HPGD: variants seen among roughly 807,000 people sequenced by gnomAD.
HPGD encodes 15-hydroxyprostaglandin dehydrogenase [NAD(+)].
Under a neutral mutation model 30.0 loss-of-function variants are expected in HPGD, and 29 were observed. That is an observed-to-expected ratio of 0.97 (90% CI 0.72 to 1.32). The LOEUF is 1.32. HPGD is among the 40% of genes most tolerant of loss of function. The pLI, the probability that HPGD is intolerant of heterozygous loss-of-function variation, is 0.00. For synonymous variants in HPGD, 99 were observed against 112.4 expected, an observed-to-expected ratio of 0.88 and a Z score of 0.75; for missense variants, 340 against 322.1, an observed-to-expected ratio of 1.06 and a Z score of -0.43.
chr4:174,493,179 C>T lies in HPGD; in HGVS notation c.634G>A (p.Asp212Asn), dbSNP rs148874494. 12,134 of 1,601,390 alleles carry T rather than the reference C, an allele frequency of 7.6e-3. 61 individuals carry two copies. The highest frequency in any genetic ancestry group is 9.3e-3 in the Non-Finnish European group (10,835 of 1,169,742). Residue 212 changes from aspartate to asparagine, a missense_variant, in exon 6 of 7, where the codon GAT (aspartate) becomes AAT (asparagine). Transcript: ENST00000296522. Reference sequence around the variant, plus strand: ...AAAATTCCATAGTATTTAATCATATCCTTGATATGATCCTTATATTCTATA... The same window carrying T: ...AAAATTCCATAGTATTTAATCATATTCTTGATATGATCCTTATATTCTATA... ...QYIEYKDHIK[D>N]MIKYYGILDP...
At chr4:174,493,435 C>T in intron 5 of HPGD, 121 bp from the exon 6 acceptor site, 1 of 880,026 alleles carries the variant, frequency 1.1e-6, no homozygotes. Context: ...ATCCTCCCAG[C>T]TATGTAACAA....
intron 2 of HPGD, among the ~76,000 whole-genome samples, chr4:174,518,464 A>T (rs913808258): frequency 2.6e-5 from 4 of 152,234 alleles, no homozygotes; most frequent in African/African-American, 9.6e-5. Flanking sequence ...AATGTCTCTT[A>T]GTCCCTGAGA....
rs555663294 is a variant in HPGD, at chr4:174,517,341, C to T, written c.324+630G>A. 7.9e-5 allele frequency among the ~76,000 whole-genome samples: 12 copies of T among 152,206 alleles called. No individual in the cohort carries two copies. In the East Asian group the frequency reaches 2.3e-3, roughly 29 times the overall value. Reference sequence around the variant, plus strand: ...AAAAAGTCCTACTAATTACAAAGTTCGATTGTCACTTTAATTTTGTTTTCT... The same window carrying T: ...AAAAAGTCCTACTAATTACAAAGTTTGATTGTCACTTTAATTTTGTTTTCT... On this transcript the variant is annotated intron_variant, in intron 3 of 6. Transcript: ENST00000296522.
At chr4:174,495,647 T>G (rs974987519) in intron 4 of HPGD, 23 bp from the exon 5 acceptor site, 1 of 1,554,716 alleles carries the variant, frequency 6.4e-7, no homozygotes, top group African/African-American at 1.4e-5. Context: ...AATATAACAT[T>G]TAAATGCTTT....
At chr4:174,504,626 G>A (rs1013698251) in intron 4 of HPGD, among the ~76,000 whole-genome samples, 1 of 150,736 alleles carries the variant, frequency 6.6e-6, no homozygotes, top group South Asian at 2.1e-4. Context: ...TGGCTAGCAT[G>A]ATGAAATCCC....
chr4:174,492,045 A>C lies in HPGD; in HGVS notation c.712T>G (p.Leu238Val). The C allele has an allele frequency of 6.2e-7, 1 of 1,609,902 alleles. No individual in the cohort carries two copies. Among genetic ancestry groups the C allele is most frequent in the South Asian group, 1.1e-5 (1 of 90,994 alleles). The stretch of plus-strand genomic sequence containing the variant: ...GTGATCTTCATAATAGCACCATTTA[A>C]AGCATCATCTTCAATGAGTGTTATC... Reference protein sequence around the residue: ...GLITLIEDDALNGAIMKITTS... With the variant: ...GLITLIEDDAVNGAIMKITTS... The change falls in exon 7 of 7, where the codon TTA becomes GTA. Residue 238 changes from leucine (L) to valine (V), a missense_variant. Physicochemically the swap from Leu to Val is conservative, Grantham distance 32 (BLOSUM62 1). Coordinates refer to ENST00000296522, the MANE Select transcript of HPGD (RefSeq NM_000860.6). The surrounding 1 kb of genome is among the most constrained non-coding windows in gnomAD (Gnocchi z 4.9).
chr4:174,506,430 C>T (rs1032974951), intron 4 of HPGD, among the ~76,000 whole-genome samples: 1 of 152,058 alleles, frequency 6.6e-6, no homozygotes, highest in Non-Finnish European at 1.5e-5. Flanking sequence ...GGTAGATTAA[C>T]AAATAAATGC....
intron 4 of HPGD, among the ~76,000 whole-genome samples, chr4:174,500,847 T>C (rs45487192): frequency 0.032 from 4,857 of 152,300 alleles, 262 homozygotes; most frequent in African/African-American, 0.11. Context: ...AGCCTACAGA[T>C]TGTACAACAT....
intron 5 of HPGD, chr4:174,495,266 T>G: frequency 2.4e-6 from 1 of 420,672 alleles, no homozygotes; most frequent in Non-Finnish European, 4.3e-6. Flanking sequence ...AATATTTCCA[T>G]TTGGGGTCAT....
At chr4:174,502,013 G>C (rs550111599) in intron 4 of HPGD, among the ~76,000 whole-genome samples, 2 of 152,248 alleles carry the variant, frequency 1.3e-5, no homozygotes, top group East Asian at 3.9e-4. Context: ...ATATAAAAAT[G>C]CTGAAAATTC....
At chr4:174,504,219 C>A (rs1346950572) in intron 4 of HPGD, among the ~76,000 whole-genome samples, 2 of 152,072 alleles carry the variant, frequency 1.3e-5, no homozygotes, top group Non-Finnish European at 2.9e-5. Context: ...AGCACTTCTA[C>A]CTTAACACAA....
chr4:174,506,214 A>G (rs1735182545), intron 4 of HPGD, among the ~76,000 whole-genome samples: 1 of 152,174 alleles, frequency 6.6e-6, no homozygotes, highest in African/African-American at 2.4e-5. Context: ...GACTTGTGAC[A>G]CTGGTAAGCT....
chr4:174,501,846 C>A (rs1317401567), intron 4 of HPGD, among the ~76,000 whole-genome samples: 1 of 151,998 alleles, frequency 6.6e-6, no homozygotes, highest in African/African-American at 2.4e-5. Context: ...ATCTTTCTAC[C>A]CATATTTACA....
chr4:174,521,909 C>G (rs201145414), intron 2 of HPGD, 35 bp downstream of exon 2: 487 of 1,613,236 alleles, frequency 3.0e-4, no homozygotes, highest in Non-Finnish European at 3.4e-4. Context: ...GTTGAGAGCA[C>G]GTTCCCAGTT....
chr4:174,518,127 C>T, intron 2 of HPGD, 50 bp from the exon 3 acceptor site: 1 of 895,534 alleles, frequency 1.1e-6, no homozygotes, highest in Non-Finnish European at 1.9e-6. Flanking sequence ...TCCATGTATA[C>T]ATTTAAATCA....
At chr4:174,514,055 TAAG>T in intron 3 of HPGD, among the ~76,000 whole-genome samples, 1 of 151,868 alleles carries the variant, frequency 6.6e-6, no homozygotes, top group South Asian at 2.1e-4. Context: ...CCAAACCAAA[TAAG>T]AACATTATAA....
intron 3 of HPGD, among the ~76,000 whole-genome samples, chr4:174,512,096 G>GTAAGGAGTAAATTTGA (rs1034359702): frequency 3.9e-5 from 6 of 152,184 alleles, no homozygotes; most frequent in Non-Finnish European, 8.8e-5. Context: ...AAAGTGAAAA[G>GTAAGGAGTAAATTTGA]TAAGGAGTAA....
chr4:174,490,940 G>A lies in HPGD; in HGVS notation c.*1016C>T, dbSNP rs1393812774. On this transcript the variant is annotated 3_prime_UTR_variant, in exon 7 of 7. Coordinates refer to ENST00000296522, the MANE Select transcript of HPGD (RefSeq NM_000860.6). The surrounding 1 kb of genome is among the most constrained non-coding windows in gnomAD (Gnocchi z 4.4). ...CTTAAGATAGCTGACAACAAAAAAA[G>A]CAAAACCTCACAGCTATTTTTATGT... 6.6e-6 allele frequency: 1 copy of A among 152,224 alleles called. No homozygotes were observed. Among genetic ancestry groups the A allele is most frequent in the Non-Finnish European group, 1.5e-5 (1 of 67,978 alleles). The allele number at this position is 152,224 out of a possible 1,614,324, so 9.4% of individuals were successfully genotyped here.
rs1024281432 is a variant in HPGD, at chr4:174,493,350, A to G, written c.499-36T>C. 3.7e-6 allele frequency: 6 copies of G among 1,601,444 alleles called. No individual in the cohort carries two copies. In the African/African-American group the frequency reaches 5.4e-5, roughly 14 times the overall value. On this transcript the variant is annotated intron_variant, in intron 5 of 6. Transcript: ENST00000296522. ...GAAGGTTGTAGGTTTCAGCAGTTTC[A>G]TAAACATATAGCACAGGACAAACTG...
Sources: gnomAD v4.1 joint callset for allele counts (sites outside exome capture counted in the v4.1 genomes callset) on GRCh38, gnomAD v4.1.1 for gene constraint, Gnocchi (gnomAD v3.1) non-coding constraint, MANE v1.5 for transcripts, NCBI Gene and HGNC (gene_info 2026-07-23, HGNC 2026-07-21) for gene names.